Variants in PI4KB observed in about 807,000 individuals in gnomAD.
PI4KB encodes PtdIns 4-kinase beta.
In PI4KB, 23 loss-of-function variants were observed where a neutral mutation model predicts 81.4. The observed-to-expected ratio is 0.28, with a 90% CI of 0.20 to 0.40. The LOEUF (loss-of-function observed/expected upper bound fraction) is 0.40. PI4KB is among the 10% of genes least tolerant of loss of function. PI4KB has a pLI of 1.00. For synonymous variants in PI4KB, 381 were observed against 406.8 expected (o/e 0.94, Z 0.76); for missense variants, 651 against 1,036.6 (o/e 0.63, Z 5.11).
At chr1:151,310,868 G>A (rs587688390) in intron 2 of PI4KB, among the ~76,000 whole-genome samples, 28 of 152,216 alleles carry the variant, frequency 1.8e-4, no homozygotes, top group African/African-American at 6.7e-4. Flanking sequence ...AGACCAATAA[G>A]CCCAAAATCT....
chr1:151,304,849 G>A (rs895068275), intron 5 of PI4KB, among the ~76,000 whole-genome samples: 6 of 136,492 alleles, frequency 4.4e-5, no homozygotes, highest in Non-Finnish European at 7.9e-5. Flanking sequence ...TTTTTCTTTT[G>A]AGACGGAATT....
chr1:151,306,411 C>A, intron 4 of PI4KB, 48 bp from the exon 5 acceptor site: 1 of 1,192,532 alleles, frequency 8.4e-7, no homozygotes. Context: ...CACCACTAAC[C>A]CCCAAATCTC....
intron 6 of PI4KB, among the ~76,000 whole-genome samples, chr1:151,302,572 CTTTTCTTTTTTT>C (rs1695379004): frequency 6.9e-6 from 1 of 145,308 alleles, no homozygotes; most frequent in Admixed American, 7.0e-5. Flanking sequence ...TTTTTCTTTT[CTTTTCTTTTTTT>C]TTTTTTTTTT....
At chr1:151,311,141 A>G (rs1696186073) in intron 2 of PI4KB, among the ~76,000 whole-genome samples, 1 of 152,116 alleles carries the variant, frequency 6.6e-6, no homozygotes, top group East Asian at 1.9e-4. Flanking sequence ...GATGGTGTCA[A>G]ACTCTCACTC....
At chr1:151,303,947 A>G (rs900591184) in intron 5 of PI4KB, among the ~76,000 whole-genome samples, 4 of 152,160 alleles carry the variant, frequency 2.6e-5, no homozygotes, top group African/African-American at 7.2e-5. Context: ...AAGACTTCCA[A>G]TGCACTAAAG....
intron 3 of PI4KB, among the ~76,000 whole-genome samples, chr1:151,309,912 C>A (rs903836518): frequency 3.9e-5 from 6 of 152,180 alleles, no homozygotes; most frequent in African/African-American, 9.7e-5. Flanking sequence ...AATTCTACCT[C>A]TCTCCCAGCT....
chr1:151,302,144 C>G (rs749585685), intron 7 of PI4KB, 50 bp downstream of exon 7: 23 of 1,543,696 alleles, frequency 1.5e-5, no homozygotes, highest in Non-Finnish European at 2.0e-5. Flanking sequence ...TGAGCACTTA[C>G]AACTGCCTCT....
chr1:151,294,223 C>G, intron 10 of PI4KB, 85 bp from the exon 11 acceptor site: 1 of 1,535,200 alleles, frequency 6.5e-7, no homozygotes, highest in Non-Finnish European at 8.8e-7. Flanking sequence ...AGAACTCCTC[C>G]TCCTCTTGGG....
At chr1:151,326,372 T>C in intron 1 of PI4KB, 2 of 581,772 alleles carry the variant, frequency 3.4e-6, no homozygotes, top group South Asian at 4.3e-5. Context: ...GTTTAGTTGA[T>C]CCTGAAATAA....
chr1:151,307,836 A>G (rs1695912894), intron 3 of PI4KB, 35 bp from the exon 4 acceptor site: 1 of 1,481,990 alleles, frequency 6.7e-7, no homozygotes. Flanking sequence ...AAGATGGTGA[A>G]GAAACCATAG....
chr1:151,312,668 A>G (rs1285669836), intron 2 of PI4KB, among the ~76,000 whole-genome samples: 5 of 152,188 alleles, frequency 3.3e-5, no homozygotes, highest in Non-Finnish European at 7.3e-5. Flanking sequence ...GTAAAAGGAA[A>G]ACCAATTCCT....
Position 151,307,769 on chromosome 1 carries a change from G to A in PI4KB, c.987C>T (p.Ile329=), listed in dbSNP as rs771446912. The change falls in exon 4 of 12, where the codon ATC becomes ATT. Residue 329 remains isoleucine, a synonymous_variant. Transcript: ENST00000368873. ...GCTTGCCGATCGCCATCAGGGACTT[G>A]ATGAATTCTCTCTCAGGAGCCAGTC... ...PVRLAPEREF[I]KSLMAIGKRL... 5.6e-5 allele frequency: 91 copies of A among 1,613,962 alleles called. No individual in the cohort carries two copies. Among genetic ancestry groups the A allele is most frequent in the Non-Finnish European group, 7.6e-5 (90 of 1,179,962 alleles).
intron 1 of PI4KB, 60 bp downstream of exon 1, chr1:151,327,201 CAGGGTGGGAG>C (rs1649751489): frequency 3.6e-6 from 1 of 276,344 alleles, no homozygotes; most frequent in African/African-American, 2.4e-5. Flanking sequence ...CTGTGCGGGA[CAGGGTGGGAG>C]AGGGACCCCC....
intron 11 of PI4KB, chr1:151,293,450 C>G: frequency 8.2e-7 from 1 of 1,222,210 alleles, no homozygotes. Context: ...TGATCCTGAG[C>G]AACGGCGACA....
intron 3 of PI4KB, among the ~76,000 whole-genome samples, chr1:151,309,652 G>T (rs1340752426): frequency 1.3e-5 from 2 of 152,080 alleles, no homozygotes; most frequent in Non-Finnish European, 2.9e-5. Context: ...GAAAAGGGAA[G>T]AACTCAGACC....
chr1:151,306,389 G>C, intron 4 of PI4KB, 26 bp from the exon 5 acceptor site: 1 of 1,465,872 alleles, frequency 6.8e-7, no homozygotes, highest in South Asian at 1.1e-5. Context: ...GACAGTATTT[G>C]CAACTTACTT....
intron 9 of PI4KB, among the ~76,000 whole-genome samples, chr1:151,294,899 A>T (rs1694660989): frequency 6.6e-6 from 1 of 152,236 alleles, no homozygotes; most frequent in Non-Finnish European, 1.5e-5. Context: ...GGCTCCAGCC[A>T]GCTGTCACAG....
chr1:151,314,655 C>G (rs971125421), intron 2 of PI4KB, among the ~76,000 whole-genome samples: 1 of 152,162 alleles, frequency 6.6e-6, no homozygotes, highest in African/African-American at 2.4e-5. Flanking sequence ...CACTCTTCCC[C>G]CTAAGGAAAG....
At chr1:151,303,505 G>A (rs1156555267) in intron 6 of PI4KB, 36 bp downstream of exon 6, 3 of 1,222,428 alleles carry the variant, frequency 2.5e-6, no homozygotes, top group East Asian at 4.6e-5. Context: ...CCTGAAAGAG[G>A]GATGAAAAAT....
Sources: allele counts gnomAD v4.1 joint callset (sites outside exome capture counted in the v4.1 genomes callset), GRCh38; gene constraint gnomAD v4.1.1; transcripts MANE v1.5; gene names NCBI Gene and HGNC (gene_info 2026-07-23, HGNC 2026-07-21).